ENOX1: variants seen among roughly 807,000 people sequenced by gnomAD.
ENOX1 encodes the protein candidate growth-related and time keeping constitutive hydroquinone (NADH) oxidase.
In ENOX1, 42 loss-of-function variants were observed where a neutral mutation model predicts 82.5. That is an observed-to-expected ratio of 0.51 (90% CI 0.40 to 0.66). The LOEUF is 0.66. Ranked by LOEUF, ENOX1 falls within the 30% of genes least tolerant of loss-of-function variation. The pLI is 0.00. For synonymous variants in ENOX1, 271 were observed against 282.2 expected (o/e 0.96, Z 0.40); for missense variants, 608 against 811.6 (o/e 0.75, Z 3.05).
intron 14 of ENOX1, among the ~76,000 whole-genome samples, chr13:43,254,064 T>A (rs999619934): frequency 6.6e-6 from 1 of 152,240 alleles, no homozygotes; most frequent in Non-Finnish European, 1.5e-5. Context: ...TAGAAATAAA[T>A]GCTTAATTTT....
chr13:43,251,612 T>C (rs543145085), intron 14 of ENOX1, among the ~76,000 whole-genome samples: 37 of 152,244 alleles, frequency 2.4e-4, no homozygotes, highest in African/African-American at 8.4e-4. Flanking sequence ...GATCTTAGGG[T>C]AAGGACCTAA....
In ENOX1 at chr13:43,715,613, G is replaced by A. The variant is rs541025201; in HGVS notation, c.-284-48069C>T. Among the ~76,000 whole-genome samples, 18 of 152,114 alleles carry A rather than the reference G, an allele frequency of 1.2e-4. No homozygotes were observed. In the South Asian group the frequency reaches 1.2e-3, roughly 11 times the overall value. On this transcript the variant is annotated intron_variant, in intron 1 of 16. Coordinates refer to ENST00000690772, the MANE Select transcript of ENOX1 (RefSeq NM_001347969.2). ...TCACTTTCAGGTACACCAATCAGAC[G>A]TAGATTTGGTCTTTTCACATAGTCC...
At chr13:43,560,904 G>A (rs2153704897) in intron 2 of ENOX1, among the ~76,000 whole-genome samples, 1 of 152,124 alleles carries the variant, frequency 6.6e-6, no homozygotes, top group South Asian at 2.1e-4. Context: ...CACTCACCTG[G>A]CAGCCTCCTT....
chr13:43,287,008 G>C (rs2045734632), intron 12 of ENOX1, among the ~76,000 whole-genome samples: 1 of 152,138 alleles, frequency 6.6e-6, no homozygotes, highest in South Asian at 2.1e-4. Flanking sequence ...GAAAGCCATG[G>C]TGTGGGGTTA....
chr13:43,342,580 G>T (rs1033429969), intron 9 of ENOX1, among the ~76,000 whole-genome samples: 4 of 152,064 alleles, frequency 2.6e-5, no homozygotes, highest in African/African-American at 9.7e-5. Context: ...CCTTCTCAGG[G>T]AGTGATGAGC....
At chr13:43,554,046 G>A (rs1402947210) in intron 2 of ENOX1, among the ~76,000 whole-genome samples, 5 of 152,174 alleles carry the variant, frequency 3.3e-5, no homozygotes, top group Non-Finnish European at 1.5e-5. Context: ...ACTGCGCCTG[G>A]CTGAGAAATC....
At chr13:43,325,414 T>C (rs1218193334) in intron 10 of ENOX1, among the ~76,000 whole-genome samples, 1 of 152,228 alleles carries the variant, frequency 6.6e-6, no homozygotes, top group Non-Finnish European at 1.5e-5. Context: ...TCATTTGGTA[T>C]TCATGTGGAT....
intron 2 of ENOX1, among the ~76,000 whole-genome samples, chr13:43,604,453 G>A (rs1378863859): frequency 2.6e-5 from 4 of 152,158 alleles, no homozygotes; most frequent in African/African-American, 9.7e-5. Flanking sequence ...TGCAATACTA[G>A]CTGTTGGTTG....
chr13:43,268,397 C>A (rs1398158176), intron 13 of ENOX1, among the ~76,000 whole-genome samples: 1 of 152,118 alleles, frequency 6.6e-6, no homozygotes, highest in African/African-American at 2.4e-5. Context: ...ACAGAGTCAG[C>A]CTCAGTACAA....
Position 43,403,946 on chromosome 13 carries a change from G to A in ENOX1, c.208+7970C>T, listed in dbSNP as rs2053640119. 2.0e-5 allele frequency among the ~76,000 whole-genome samples: 3 copies of A among 152,324 alleles called. No individual in the cohort carries two copies. The South Asian group carries it at 6.2e-4, about 32-fold the overall frequency. ...GGATGCAAGTTGCAGGACAGCATGT[G>A]TAGCGTCTATGGCAGTGCCTGCACA... On this transcript the variant is annotated intron_variant, in intron 5 of 16. Transcript: ENST00000690772.
chr13:43,242,787 T>G (rs957241854), intron 14 of ENOX1, among the ~76,000 whole-genome samples: 1 of 152,222 alleles, frequency 6.6e-6, no homozygotes, highest in African/African-American at 2.4e-5. Context: ...TTCTACTCTT[T>G]CACTCCTTTC....
At chr13:43,598,702 A>T (rs931681383) in intron 2 of ENOX1, among the ~76,000 whole-genome samples, 39 of 152,240 alleles carry the variant, frequency 2.6e-4, no homozygotes, top group Non-Finnish European at 1.0e-4. Context: ...TAAACTACAG[A>T]TGATACAGTG....
chr13:43,630,858 T>TACACACAC (rs767775854), intron 2 of ENOX1, among the ~76,000 whole-genome samples: 42,402 of 81,710 alleles, frequency 0.52, 7,359 homozygotes, highest in Non-Finnish European at 0.6. Context: ...TATATATATA[T>TACACACAC]ATACACACAC....
At chr13:43,311,544 TTATC>T (rs1027555293) in intron 11 of ENOX1, among the ~76,000 whole-genome samples, 3 of 152,176 alleles carry the variant, frequency 2.0e-5, no homozygotes, top group Non-Finnish European at 1.5e-5. Flanking sequence ...ATGTTAGAGT[TTATC>T]TACTAGTTTT....
chr13:43,426,509 T>C (rs1044707431), intron 3 of ENOX1, among the ~76,000 whole-genome samples: 3 of 152,166 alleles, frequency 2.0e-5, no homozygotes, highest in Non-Finnish European at 4.4e-5. Flanking sequence ...CTAGTGTTAA[T>C]GAAAAAGATC....
At chr13:43,377,766 T>A (rs1594224590) in intron 5 of ENOX1, among the ~76,000 whole-genome samples, 3 of 152,014 alleles carry the variant, frequency 2.0e-5, no homozygotes, top group African/African-American at 7.3e-5. Context: ...AGCAGAAGAG[T>A]AGGAACTCAC....
intron 3 of ENOX1, among the ~76,000 whole-genome samples, chr13:43,416,247 C>T (rs1281830679): frequency 3.1e-5 from 4 of 127,544 alleles, no homozygotes; most frequent in African/African-American, 1.2e-4. Flanking sequence ...GATGGGTGGC[C>T]GGGCAGAGGT....
intron 1 of ENOX1, among the ~76,000 whole-genome samples, chr13:43,751,582 G>A (rs1950323236): frequency 6.6e-6 from 1 of 152,108 alleles, no homozygotes; most frequent in African/African-American, 2.4e-5. Flanking sequence ...CTGCTTTCTA[G>A]AGAGTCATTA....
At chr13:43,605,225 C>T (rs1031604842) in intron 2 of ENOX1, among the ~76,000 whole-genome samples, 10 of 152,054 alleles carry the variant, frequency 6.6e-5, no homozygotes, top group African/African-American at 2.2e-4. Context: ...GTTAAAATGT[C>T]CATACTACAC....
Sources: allele counts gnomAD v4.1 joint callset (sites outside exome capture counted in the v4.1 genomes callset), GRCh38; gene constraint gnomAD v4.1.1; transcripts MANE v1.5; gene names NCBI Gene and HGNC (gene_info 2026-07-23, HGNC 2026-07-21).